Variants in PTPRA observed in about 807,000 individuals in gnomAD.
The protein encoded by PTPRA is protein tyrosine phosphatase receptor type A, also known as receptor-type tyrosine-protein phosphatase alpha.
In PTPRA, 25 loss-of-function variants were observed where a neutral mutation model predicts 104.8. The observed-to-expected ratio is 0.24, with a 90% confidence interval of 0.17 to 0.33. The LOEUF is 0.33. PTPRA is among the 10% of genes least tolerant of loss of function. The pLI is 1.00. For missense variants in PTPRA, 765 were observed against 1,015.3 expected (o/e 0.75, Z 3.35); for synonymous variants, 323 against 368.9 (o/e 0.88, Z 1.43).
chr20:2,865,489 C>T, the PTPRA span: 6 of 1,613,492 alleles, frequency 3.7e-6, no homozygotes, highest in Non-Finnish European at 5.1e-6. The surrounding 1 kb of genome is among the most constrained non-coding windows in gnomAD (Gnocchi z 5.2). Context: ...CACCCATTGG[C>T]TACCTGGTGA....
chr20:2,910,011 CATATATAATCTATCATATATCAT>C (rs2059599131), intron 1 of PTPRA, among the ~76,000 whole-genome samples: 3 of 100,084 alleles, frequency 3.0e-5, no homozygotes, highest in African/African-American at 1.6e-4. Flanking sequence ...TATCATATAT[CATATATAATCTATCATATATCAT>C]ATCATATATA....
intron 20 of PTPRA, 51 bp downstream of exon 20, chr20:3,027,892 T>A: frequency 1.2e-6 from 2 of 1,605,636 alleles, no homozygotes; most frequent in Non-Finnish European, 1.7e-6. Context: ...CATGAAAAGA[T>A]GTGTGTGTAA....
intron 3 of PTPRA, among the ~76,000 whole-genome samples, chr20:2,949,717 ATTG>A (rs1355435988): frequency 6.9e-6 from 1 of 145,772 alleles, no homozygotes; most frequent in African/African-American, 2.6e-5. Context: ...ATAATTGCGT[ATTG>A]TTTTTTTTTT....
At position 2,975,233 on chromosome 20, in the gene PTPRA, A is replaced by T. The variant is rs2148026919; in HGVS notation, c.434A>T (p.Asp145Val). The T allele has an allele frequency of 1.3e-6, 2 of 1,597,652 alleles. No individual in the cohort carries two copies. Among genetic ancestry groups the T allele is most frequent in the East Asian group, 4.5e-5 (2 of 44,692 alleles). ...TACACAGGTAATTCTGACTCGAAGGACAGAAGAGGTGAGCTGCTCACCTTA... is the reference window on the plus strand; with the variant it reads ...TACACAGGTAATTCTGACTCGAAGGTCAGAAGAGGTGAGCTGCTCACCTTA... The part of the protein sequence containing the change: ...FPPSGNSDSK[D>V]RRDETPIIAV... The change falls in exon 6 of 24, where the codon GAC becomes GTC. Residue 145 changes from aspartate to valine, a missense_variant. Around this residue, in one of 4 missense-constraint regions of PTPRA, gnomAD observed 256 missense variants for 248.9 expected, o/e 1.03. Transcript: ENST00000399903.
chr20:3,026,418 A>G lies in PTPRA; in HGVS notation c.1615-269A>G, dbSNP rs530431763. Among the ~76,000 whole-genome samples, 127 of 152,250 alleles carry G rather than the reference A, an allele frequency of 8.3e-4. 1 individual carries two copies. The highest frequency in any genetic ancestry group is 2.6e-3 in the African/African-American group (110 of 41,556). The stretch of plus-strand genomic sequence containing the variant: ...CTGCAGAGTGGACACACTCCCTCCT[A>G]CGATGCTGGAATCCCTTGCTCCAGG... On this transcript the variant is annotated intron_variant, in intron 17 of 23. Coordinates refer to ENST00000399903, the MANE Select transcript of PTPRA (RefSeq NM_001385305.1).
the PTPRA span, chr20:2,864,203 G>A: frequency 6.2e-7 from 1 of 1,614,204 alleles, no homozygotes; most frequent in South Asian, 1.1e-5. This position sits in a 1 kb window ranked among gnomAD's most constrained non-coding sequence, Gnocchi z 5.2. Flanking sequence ...GCCACGCTCA[G>A]GGGAGCAGGT....
the PTPRA span, chr20:2,864,933 G>C: frequency 6.2e-7 from 1 of 1,611,954 alleles, no homozygotes; most frequent in South Asian, 1.1e-5. The surrounding 1 kb of genome is among the most constrained non-coding windows in gnomAD (Gnocchi z 5.2). Context: ...GGAGGGCGAG[G>C]GTCCTGCATG....
chr20:2,940,674 T>C (rs2060877832), intron 2 of PTPRA, among the ~76,000 whole-genome samples: 2 of 152,156 alleles, frequency 1.3e-5, no homozygotes, highest in Admixed American at 6.5e-5. Flanking sequence ...GATCCTCCTG[T>C]CTCAGAGAGA....
At chr20:2,956,289 T>C (rs769297509) in intron 3 of PTPRA, among the ~76,000 whole-genome samples, 2 of 152,210 alleles carry the variant, frequency 1.3e-5, no homozygotes, top group African/African-American at 2.4e-5. Flanking sequence ...TTGGTAGTTC[T>C]TCAGTGTGTT....
At chr20:2,897,091 T>G (rs1488512571) in intron 1 of PTPRA, among the ~76,000 whole-genome samples, 2 of 152,260 alleles carry the variant, frequency 1.3e-5, no homozygotes, top group Non-Finnish European at 2.9e-5. Flanking sequence ...GAGGTTCATG[T>G]CAATTTGTCC....
rs1365002148 is a variant in PTPRA, at chr20:3,035,863, A to G, written c.2120A>G (p.Lys707Arg). Reference sequence around the variant, plus strand: ...GAAGTGGGCATCCCCAGTGACGGAAAGGGCATGATCAGCATCATCGCCGCC... The same window carrying G: ...GAAGTGGGCATCCCCAGTGACGGAAGGGGCATGATCAGCATCATCGCCGCC... ...WPEVGIPSDG[K>R]GMISIIAAVQ... The change falls in exon 22 of 24, where the codon AAG becomes AGG. Residue 707 changes from lysine to arginine, a missense_variant. Lys to Arg is a conservative substitution (Grantham distance 26). This residue lies in a region of PTPRA where 72 missense variants were observed against 140.7 expected (regional missense o/e 0.51). Coordinates refer to ENST00000399903, the MANE Select transcript of PTPRA (RefSeq NM_001385305.1). This position sits in a 1 kb window ranked among gnomAD's most constrained non-coding sequence, Gnocchi z 5.8. The G allele has an allele frequency of 6.2e-7, 1 of 1,614,074 alleles. No individual in the cohort carries two copies. The highest frequency in any genetic ancestry group is 8.5e-7 in the Non-Finnish European group (1 of 1,180,052).
chr20:2,993,226 G>T (rs1214627982), intron 9 of PTPRA, among the ~76,000 whole-genome samples: 1 of 152,196 alleles, frequency 6.6e-6, no homozygotes, highest in Admixed American at 6.5e-5. Context: ...CTCTTTGTTA[G>T]CAGGAGAGGG....
intron 5 of PTPRA, among the ~76,000 whole-genome samples, chr20:2,971,922 C>A (rs2062205245): frequency 6.6e-6 from 1 of 152,096 alleles, no homozygotes; most frequent in Non-Finnish European, 1.5e-5. Context: ...GCAACCTCCA[C>A]CTCGCGGGTT....
intron 13 of PTPRA, among the ~76,000 whole-genome samples, chr20:3,018,376 CT>C (rs2064582609): frequency 6.6e-6 from 1 of 151,830 alleles, no homozygotes; most frequent in African/African-American, 2.4e-5. Flanking sequence ...CTGCGGCCTT[CT>C]GCAGTGTTTG....
At chr20:2,867,625 C>T in the PTPRA span, among the ~76,000 whole-genome samples, 1 of 152,098 alleles carries the variant, frequency 6.6e-6, no homozygotes, top group Non-Finnish European at 1.5e-5. Context: ...CCTTGGCACT[C>T]CAGTGCACCT....
chr20:3,005,595 A>G (rs1287886038), intron 10 of PTPRA, among the ~76,000 whole-genome samples: 1 of 120,130 alleles, frequency 8.3e-6, no homozygotes, highest in Admixed American at 8.6e-5. Context: ...AATAAATAAG[A>G]TAAATAAATA....
rs543245448 is a variant in PTPRA at position 2,974,117 on chromosome 20, A to AT, written c.416-1088dup. 7.6e-3 allele frequency among the ~76,000 whole-genome samples: 1,118 copies of AT among 146,680 alleles called. 8 individuals are homozygous for AT. Among genetic ancestry groups the AT allele is most frequent in the African/African-American group, 0.023 (902 of 40,018 alleles). On this transcript the variant is annotated intron_variant, in intron 5 of 23. Coordinates refer to ENST00000399903, the MANE Select transcript of PTPRA (RefSeq NM_001385305.1). ...AGGCGTACACCACCACGCCTGGCTA[A>AT]TTTTTTTTTTGTATTTTTATTAGAG...
At chr20:3,025,910 G>A (rs1192244310) in intron 17 of PTPRA, among the ~76,000 whole-genome samples, 1 of 151,342 alleles carries the variant, frequency 6.6e-6, no homozygotes, top group Non-Finnish European at 1.5e-5. Context: ...GATTCAGCAG[G>A]TATGAGTTAG....
intron 1 of PTPRA, among the ~76,000 whole-genome samples, chr20:2,910,074 GATGTATAGTATATATGATATATA>G (rs2059611415): frequency 1.7e-5 from 2 of 115,790 alleles, no homozygotes; most frequent in Non-Finnish European, 3.3e-5. Flanking sequence ...TAATATATAT[GATGTATAGTATATATGATATATA>G]ACATATATAT....
Sources: allele counts gnomAD v4.1 joint callset (sites outside exome capture counted in the v4.1 genomes callset), GRCh38; gene constraint gnomAD v4.1.1; regional missense constraint gnomAD v4.1.1; non-coding constraint Gnocchi (gnomAD v3.1); transcripts MANE v1.5; gene names NCBI Gene and HGNC (gene_info 2026-07-23, HGNC 2026-07-21).